TXNDC16: variants seen among roughly 807,000 people sequenced by gnomAD.
The protein encoded by TXNDC16 is thioredoxin domain containing 16.
Under a neutral mutation model 85.6 loss-of-function variants are expected in TXNDC16, and 74 were observed. That is an observed-to-expected ratio of 0.86 (90% confidence interval 0.72 to 1.05). TXNDC16 has a LOEUF of 1.05. TXNDC16 is among the 50% of genes least tolerant of loss of function. The pLI is 0.00. For missense variants in TXNDC16, 959 were observed against 947.0 expected (o/e 1.01, Z -0.17); for synonymous variants, 335 against 326.5 (o/e 1.03, Z -0.28).
chr14:52,537,445 G>A (rs2037729809), intron 5 of TXNDC16, among the ~76,000 whole-genome samples, 154 bp downstream of exon 5: 1 of 152,124 alleles, frequency 6.6e-6, no homozygotes, highest in African/African-American at 2.4e-5. Context: ...GTACTGAGAG[G>A]TTAGGTAACA....
intron 6 of TXNDC16, among the ~76,000 whole-genome samples, chr14:52,521,423 G>C (rs1162251300): frequency 1.3e-5 from 2 of 151,838 alleles, no homozygotes; most frequent in African/African-American, 2.4e-5. Flanking sequence ...GCCTGGCCTT[G>C]TTTTACATTT....
At chr14:52,436,512 T>C (rs2035031184) in intron 20 of TXNDC16, among the ~76,000 whole-genome samples, 1 of 152,162 alleles carries the variant, frequency 6.6e-6, no homozygotes, top group Non-Finnish European at 1.5e-5. Context: ...AGTTGCATGA[T>C]CTTGAGAATG....
chr14:52,515,503 A>G (rs2037060227), intron 7 of TXNDC16, among the ~76,000 whole-genome samples: 1 of 151,972 alleles, frequency 6.6e-6, no homozygotes, highest in Non-Finnish European at 1.5e-5. Flanking sequence ...TTTCTGGGTT[A>G]GTTTTTTTTA....
Position 52,525,115 on chromosome 14 carries a change from T to TA in TXNDC16, c.393-5823dup, listed in dbSNP as rs890625713. Among the ~76,000 whole-genome samples, 25 of 150,250 alleles carry TA rather than the reference T, an allele frequency of 1.7e-4. No homozygotes were observed. The East Asian group carries it at 4.6e-3, about 27-fold the overall frequency. ...CCAGCCTGGGCAACATGAGCGAAACTAAAAAAAAAGAATGGCCTTTCATTG... is the reference window on the plus strand; with the variant it reads ...CCAGCCTGGGCAACATGAGCGAAACTAAAAAAAAAAGAATGGCCTTTCATTG... On this transcript the variant is annotated intron_variant, in intron 6 of 20. Transcript: ENST00000281741.
chr14:52,550,038 A>G (rs1435027482), intron 1 of TXNDC16, among the ~76,000 whole-genome samples: 2 of 152,190 alleles, frequency 1.3e-5, no homozygotes, highest in Admixed American at 1.3e-4. Flanking sequence ...ACACATTTAA[A>G]TTTTAGAATA....
chr14:52,457,563 C>T (rs2035563199), intron 16 of TXNDC16, among the ~76,000 whole-genome samples: 1 of 152,126 alleles, frequency 6.6e-6, no homozygotes, highest in Admixed American at 6.5e-5. Flanking sequence ...AAATGATATG[C>T]ACATTATAAC....
chr14:52,486,876 T>C (rs1483146773), intron 12 of TXNDC16, among the ~76,000 whole-genome samples: 3 of 152,162 alleles, frequency 2.0e-5, no homozygotes, highest in African/African-American at 7.2e-5. Context: ...ATACACTCAA[T>C]ACCCTGACCT....
chr14:52,524,777 C>T (rs190240900), intron 6 of TXNDC16, among the ~76,000 whole-genome samples: 12 of 151,996 alleles, frequency 7.9e-5, no homozygotes, highest in African/African-American at 2.2e-4. Flanking sequence ...TTACAGTGTG[C>T]GCCACCTCAC....
At chr14:52,491,792 A>T (rs924893707) in intron 9 of TXNDC16, among the ~76,000 whole-genome samples, 64 of 152,340 alleles carry the variant, frequency 4.2e-4, no homozygotes, top group Middle Eastern at 3.4e-3. Flanking sequence ...AAACTACAGC[A>T]GCAGGATTTT....
At chr14:52,495,677 C>A (rs1020969907) in intron 9 of TXNDC16, among the ~76,000 whole-genome samples, 3 of 152,164 alleles carry the variant, frequency 2.0e-5, no homozygotes, top group Admixed American at 2.0e-4. Flanking sequence ...CTGGCTAAAA[C>A]AACTCATATC....
chr14:52,495,577 T>G (rs1291409567), intron 9 of TXNDC16, among the ~76,000 whole-genome samples: 1 of 152,146 alleles, frequency 6.6e-6, no homozygotes, highest in Non-Finnish European at 1.5e-5. Context: ...GCTTATGGGA[T>G]GGGAGGTACT....
At chr14:52,517,995 A>C (rs906621835) in intron 7 of TXNDC16, among the ~76,000 whole-genome samples, 4 of 152,196 alleles carry the variant, frequency 2.6e-5, no homozygotes, top group African/African-American at 9.7e-5. Context: ...CTAGGTAGGC[A>C]TAATGGCCAC....
chr14:52,505,596 G>A (rs2036778034), intron 9 of TXNDC16, among the ~76,000 whole-genome samples: 1 of 152,130 alleles, frequency 6.6e-6, no homozygotes. Context: ...AGCGCTAAAT[G>A]CCCACATGAG....
chr14:52,507,214 A>C (rs557771705), intron 9 of TXNDC16, among the ~76,000 whole-genome samples: 1 of 152,264 alleles, frequency 6.6e-6, no homozygotes, highest in African/African-American at 2.4e-5. Flanking sequence ...ACTTCAGCAA[A>C]GTCTCAGGAT....
intron 20 of TXNDC16, among the ~76,000 whole-genome samples, chr14:52,437,137 CTA>C (rs1003761470): frequency 6.6e-6 from 1 of 151,924 alleles, no homozygotes; most frequent in African/African-American, 2.4e-5. Flanking sequence ...ATAAATTTTT[CTA>C]TGTTTTCAGA....
At chr14:52,529,925 A>T (rs865881756) in intron 6 of TXNDC16, among the ~76,000 whole-genome samples, 12 of 109,020 alleles carry the variant, frequency 1.1e-4, no homozygotes, top group Admixed American at 5.2e-4. Context: ...AATATACATT[A>T]TATATATTAT....
chr14:52,475,657 C>T (rs1007360750), intron 14 of TXNDC16, among the ~76,000 whole-genome samples: 9 of 152,116 alleles, frequency 5.9e-5, no homozygotes, highest in East Asian at 5.8e-4. Flanking sequence ...CCACAGCAGA[C>T]GCAGCAAGAC....
chr14:52,530,782 GA>G (rs2037555015), intron 6 of TXNDC16, among the ~76,000 whole-genome samples: 2 of 147,276 alleles, frequency 1.4e-5, no homozygotes, highest in South Asian at 2.1e-4. Context: ...GATAACAGAA[GA>G]AAAAATTCAT....
chr14:52,509,809 T>C (rs945443427), intron 9 of TXNDC16, among the ~76,000 whole-genome samples: 2 of 151,638 alleles, frequency 1.3e-5, no homozygotes, highest in African/African-American at 4.8e-5. Flanking sequence ...AAACCCCATC[T>C]CTACTAAAAA....
Sources: gnomAD v4.1 joint callset for allele counts (sites outside exome capture counted in the v4.1 genomes callset) on GRCh38, gnomAD v4.1.1 for gene constraint, MANE v1.5 for transcripts, NCBI Gene and HGNC (gene_info 2026-07-23, HGNC 2026-07-21) for gene names.